Variants in SLC9B1 observed in about 807,000 individuals in gnomAD.
SLC9B1 encodes the protein sodium/hydrogen exchanger 9B1.
In SLC9B1, 32 loss-of-function variants were observed where a neutral mutation model predicts 51.7. The observed-to-expected ratio is 0.62, with a 90% CI of 0.47 to 0.83. The LOEUF (loss-of-function observed/expected upper bound fraction) is 0.83, where lower values mean the gene tolerates loss of function less well. Ranked by LOEUF, SLC9B1 falls within the 40% of genes least tolerant of loss-of-function variation. The probability of loss-of-function intolerance (pLI) is 0.00; values close to 1 mark genes in which losing one functional copy is unlikely to be tolerated. For synonymous variants in SLC9B1, 145 were observed against 212.7 expected, an observed-to-expected ratio of 0.68 and a Z score of 2.77; for missense variants, 406 against 613.2, an observed-to-expected ratio of 0.66 and a Z score of 3.57.
chr4:102,929,027 G>GA (rs1438359873), intron 7 of SLC9B1, among the ~76,000 whole-genome samples: 1 of 152,026 alleles, frequency 6.6e-6, no homozygotes, highest in Non-Finnish European at 1.5e-5. Flanking sequence ...TTATGGTGCC[G>GA]ACCCACACTG....
chr4:102,932,045 G>A, intron 7 of SLC9B1, 79 bp downstream of exon 7: 3 of 1,365,670 alleles, frequency 2.2e-6, no homozygotes, highest in Non-Finnish European at 3.1e-6. Flanking sequence ...AAATGAAGAA[G>A]CAAAGCCAGA....
intron 11 of SLC9B1, chr4:102,889,730 G>A (rs1175918228): frequency 6.6e-6 from 1 of 152,194 alleles, no homozygotes; most frequent in Admixed American, 6.5e-5. Context: ...AGGGTTGGTA[G>A]TAAGCTGTTG....
chr4:102,886,632 G>A (rs560574796), intron 11 of SLC9B1, among the ~76,000 whole-genome samples: 2 of 151,420 alleles, frequency 1.3e-5, no homozygotes, highest in African/African-American at 4.9e-5. Context: ...TTATTTTTGC[G>A]GGGGACAGAG....
intron 9 of SLC9B1, 70 bp from the exon 10 acceptor site, chr4:102,906,714 C>G: frequency 8.7e-6 from 7 of 803,342 alleles, no homozygotes; most frequent in Non-Finnish European, 1.2e-5. Flanking sequence ...TAAAGTCTTC[C>G]CCCCCCTTTT....
At chr4:102,989,759 T>C (rs1739848848) in intron 3 of SLC9B1, 41 bp downstream of exon 3, 1 of 1,380,860 alleles carries the variant, frequency 7.2e-7, no homozygotes, top group Non-Finnish European at 9.9e-7. Flanking sequence ...ATCAAACATA[T>C]TTCTCATCTT....
At chr4:102,998,277 T>C (rs1006886715) in intron 1 of SLC9B1, among the ~76,000 whole-genome samples, 6 of 152,204 alleles carry the variant, frequency 3.9e-5, no homozygotes, top group African/African-American at 7.2e-5. Context: ...ATATTTGCCC[T>C]TTTTTGTCTT....
chr4:102,885,684 T>TA (rs1456804638), intron 11 of SLC9B1, among the ~76,000 whole-genome samples: 3 of 152,238 alleles, frequency 2.0e-5, no homozygotes, highest in Non-Finnish European at 2.9e-5. Context: ...ACATGTATTT[T>TA]AAAATACACA....
At chr4:102,914,823 T>TA (rs1436518292) in intron 7 of SLC9B1, among the ~76,000 whole-genome samples, 2 of 152,096 alleles carry the variant, frequency 1.3e-5, no homozygotes, top group Non-Finnish European at 2.9e-5. Flanking sequence ...GAGAGCCAGT[T>TA]AAAAAAATGA....
At chr4:102,969,150 A>T (rs1738602300) in intron 3 of SLC9B1, among the ~76,000 whole-genome samples, 1 of 152,212 alleles carries the variant, frequency 6.6e-6, no homozygotes, top group African/African-American at 2.4e-5. Context: ...GCAGACTTAA[A>T]CGTCCCTGTC....
chr4:102,913,960 G>A (rs140410225), intron 7 of SLC9B1, among the ~76,000 whole-genome samples: 3,062 of 152,150 alleles, frequency 0.02, 123 homozygotes, highest in African/African-American at 0.071. Context: ...TCAAGACAGG[G>A]GAATTGCAAT....
intron 3 of SLC9B1, among the ~76,000 whole-genome samples, chr4:102,956,102 C>T (rs1271053058): frequency 6.6e-6 from 1 of 152,092 alleles, no homozygotes; most frequent in African/African-American, 2.4e-5. Context: ...TACTGAGTCT[C>T]TAATGAGACT....
At chr4:102,967,481 A>T (rs373282493) in intron 3 of SLC9B1, among the ~76,000 whole-genome samples, 1 of 151,966 alleles carries the variant, frequency 6.6e-6, no homozygotes, top group Non-Finnish European at 1.5e-5. Context: ...TGACACTGGC[A>T]TCTGCTTGGG....
At chr4:102,911,189 T>C (rs1481347992) in intron 8 of SLC9B1, among the ~76,000 whole-genome samples, 1 of 152,164 alleles carries the variant, frequency 6.6e-6, no homozygotes, top group Non-Finnish European at 1.5e-5. Flanking sequence ...TTCAGAGGGA[T>C]ACTCTGCATT....
At chr4:102,959,248 AC>A (rs1445625652) in intron 3 of SLC9B1, among the ~76,000 whole-genome samples, 13 of 152,064 alleles carry the variant, frequency 8.5e-5, no homozygotes, top group Non-Finnish European at 1.8e-4. Flanking sequence ...ACACACACAC[AC>A]ACACACACAT....
intron 3 of SLC9B1, among the ~76,000 whole-genome samples, chr4:102,971,814 C>T (rs1213421219): frequency 6.6e-6 from 1 of 152,176 alleles, no homozygotes; most frequent in African/African-American, 2.4e-5. Context: ...GATATCACCA[C>T]TGATCCCATG....
intron 7 of SLC9B1, among the ~76,000 whole-genome samples, chr4:102,915,523 T>C (rs1735536715): frequency 6.6e-6 from 1 of 152,178 alleles, no homozygotes; most frequent in Non-Finnish European, 1.5e-5. Flanking sequence ...ACCTCCCAAG[T>C]GGCTGGGACT....
chr4:102,926,765 G>T (rs1335708528), intron 7 of SLC9B1, among the ~76,000 whole-genome samples: 1 of 152,034 alleles, frequency 6.6e-6, no homozygotes, highest in Non-Finnish European at 1.5e-5. Context: ...AGTTCATATG[G>T]AACCAAAAAA....
chr4:102,921,688 T>C (rs1376968702), intron 7 of SLC9B1, among the ~76,000 whole-genome samples: 4 of 152,214 alleles, frequency 2.6e-5, no homozygotes, highest in African/African-American at 4.8e-5. Flanking sequence ...GAGACACACA[T>C]AGGCTCAAAA....
chr4:103,001,858 A>G (rs1425761212), intron 1 of SLC9B1, among the ~76,000 whole-genome samples: 4 of 152,192 alleles, frequency 2.6e-5, no homozygotes, highest in Non-Finnish European at 5.9e-5. Flanking sequence ...AGAACTGCCC[A>G]ACATTAGGTA....
Sources: gnomAD v4.1 joint callset for allele counts (sites outside exome capture counted in the v4.1 genomes callset) on GRCh38, gnomAD v4.1.1 for gene constraint, MANE v1.5 for transcripts, NCBI Gene and HGNC (gene_info 2026-07-23, HGNC 2026-07-21) for gene names.